Variants in ASPRV1 observed in about 807,000 individuals in gnomAD.
The protein encoded by ASPRV1 is retroviral-like aspartic protease 1.
A neutral mutation model predicts 11.0 loss-of-function variants in ASPRV1; 7 were observed. That is an observed-to-expected ratio of 0.64 (90% CI 0.36 to 1.20). The LOEUF (loss-of-function observed/expected upper bound fraction) is 1.20. ASPRV1 is among the 50% of genes most tolerant of loss of function. The pLI, the probability that ASPRV1 is intolerant of heterozygous loss-of-function variation, is 0.02. For synonymous variants in ASPRV1, 136 were observed against 138.4 expected (o/e 0.98, Z 0.12); for missense variants, 299 against 320.0 (o/e 0.93, Z 0.50).
At chr2:69,970,148 G>A in the ASPRV1 span, among the ~76,000 whole-genome samples, 246 of 152,044 alleles carry the variant, frequency 1.6e-3, 1 homozygote, top group African/African-American at 5.5e-3. Context: ...CTGCTGGGTC[G>A]CCAGTGCCCT....
At chr2:70,046,696 G>A in the ASPRV1 span, 1 of 152,170 alleles carries the variant, frequency 6.6e-6, no homozygotes, top group Non-Finnish European at 1.5e-5. Context: ...AAGGCTGGCT[G>A]GCAGCTTCAG....
chr2:70,064,575 A>G, the ASPRV1 span, among the ~76,000 whole-genome samples: 3 of 152,230 alleles, frequency 2.0e-5, no homozygotes, highest in African/African-American at 7.2e-5. Context: ...TGTTCTAGGC[A>G]CAATGAAGAG....
the ASPRV1 span, among the ~76,000 whole-genome samples, chr2:70,063,693 TTAAAG>T: frequency 1.3e-5 from 2 of 152,286 alleles, no homozygotes; most frequent in South Asian, 4.1e-4. Flanking sequence ...GGATTTCATT[TTAAAG>T]TAAAGAGCCC....
the ASPRV1 span, among the ~76,000 whole-genome samples, chr2:70,029,778 T>C: frequency 6.6e-6 from 1 of 152,118 alleles, no homozygotes; most frequent in Non-Finnish European, 1.5e-5. Context: ...CAAGGGGTCT[T>C]GTGTCCTCAG....
At chr2:70,019,620 G>A in the ASPRV1 span, among the ~76,000 whole-genome samples, 1 of 152,172 alleles carries the variant, frequency 6.6e-6, no homozygotes, top group Non-Finnish European at 1.5e-5. Flanking sequence ...GACAACATGA[G>A]TGAACCTGGA....
At chr2:70,048,703 A>C in the ASPRV1 span, 1 of 152,546 alleles carries the variant, frequency 6.6e-6, no homozygotes, top group Non-Finnish European at 1.5e-5. Context: ...AAAACAACAG[A>C]AATTTATTCT....
the ASPRV1 span, chr2:69,971,213 C>T: frequency 6.6e-6 from 1 of 151,966 alleles, no homozygotes; most frequent in Non-Finnish European, 1.5e-5. Flanking sequence ...GTAAGAAAGA[C>T]ATTTTTCATC....
At chr2:70,022,764 G>C in the ASPRV1 span, among the ~76,000 whole-genome samples, 2 of 152,044 alleles carry the variant, frequency 1.3e-5, no homozygotes, top group African/African-American at 2.4e-5. Flanking sequence ...ATGGTCTCAT[G>C]GGTGTATGCA....
At chr2:69,951,446 AGTGTGTGTGTGTGT>A in the ASPRV1 span, among the ~76,000 whole-genome samples, 1,241 of 107,350 alleles carry the variant, frequency 0.012, 9 homozygotes, top group Non-Finnish European at 0.017. Flanking sequence ...AAAAAAAGTG[AGTGTGTGTGTGTGT>A]GTGTGTGTGT....
chr2:69,979,933 G>T, the ASPRV1 span, among the ~76,000 whole-genome samples: 1 of 152,174 alleles, frequency 6.6e-6, no homozygotes, highest in Non-Finnish European at 1.5e-5. Context: ...TCATCTTCTA[G>T]TACCTGAACA....
the ASPRV1 span, among the ~76,000 whole-genome samples, chr2:70,078,758 T>C: frequency 1.3e-5 from 2 of 152,176 alleles, no homozygotes; most frequent in Non-Finnish European, 2.9e-5. Context: ...TACCTTTTAA[T>C]CCAGGTGGGA....
At chr2:69,942,635 C>T in the ASPRV1 span, 29 of 152,290 alleles carry the variant, frequency 1.9e-4, no homozygotes, top group African/African-American at 6.0e-4. Context: ...TTTACCCCAT[C>T]CCTAGAATTG....
chr2:69,955,521 G>T (rs1377187076), downstream of ASPRV1, among the ~76,000 whole-genome samples: 1 of 152,206 alleles, frequency 6.6e-6, no homozygotes, highest in African/African-American at 2.4e-5. Flanking sequence ...CTCTTCCATA[G>T]GTGCATGGGT....
the ASPRV1 span, among the ~76,000 whole-genome samples, chr2:70,067,930 G>A: frequency 3.8e-4 from 58 of 152,266 alleles, no homozygotes; most frequent in Non-Finnish European, 7.4e-4. Flanking sequence ...AGCTTACAAA[G>A]GTCATCTTTT....
chr2:70,007,737 C>G, the ASPRV1 span, among the ~76,000 whole-genome samples: 2 of 152,126 alleles, frequency 1.3e-5, no homozygotes, highest in Non-Finnish European at 2.9e-5. Flanking sequence ...CTAGATCCCT[C>G]AAGAAGCTCA....
chr2:69,964,943 G>C (rs1483952858), upstream of ASPRV1, among the ~76,000 whole-genome samples: 1 of 152,090 alleles, frequency 6.6e-6, no homozygotes, highest in Non-Finnish European at 1.5e-5. Flanking sequence ...GGCAAATCAA[G>C]ACAAGCCCAA....
chr2:69,969,694 A>G, the ASPRV1 span, among the ~76,000 whole-genome samples: 14 of 151,882 alleles, frequency 9.2e-5, no homozygotes, highest in African/African-American at 2.9e-4. Context: ...CTACGAGTCC[A>G]CTTTCAACAG....
chr2:69,950,039 C>T, the ASPRV1 span, among the ~76,000 whole-genome samples: 1 of 152,198 alleles, frequency 6.6e-6, no homozygotes, highest in African/African-American at 2.4e-5. Context: ...TGGTCTCGAA[C>T]TCCTGACCTC....
At chr2:70,001,998 G>A in the ASPRV1 span, among the ~76,000 whole-genome samples, 1 of 152,172 alleles carries the variant, frequency 6.6e-6, no homozygotes, top group Non-Finnish European at 1.5e-5. Context: ...ACCCATTTAT[G>A]TAATAAAATA....
Sources: allele counts gnomAD v4.1 joint callset (sites outside exome capture counted in the v4.1 genomes callset), GRCh38; gene constraint gnomAD v4.1.1; transcripts MANE v1.5; gene names NCBI Gene and HGNC (gene_info 2026-07-23, HGNC 2026-07-21).